EIPR1: variants seen among roughly 807,000 people sequenced by gnomAD.
EIPR1 encodes the protein EARP and GARP complex-interacting protein 1.
EIPR1 carries 25 observed loss-of-function variants against 48.1 expected under a neutral mutation model. The observed-to-expected ratio is 0.52, with a 90% CI of 0.38 to 0.73. The LOEUF (loss-of-function observed/expected upper bound fraction) is 0.73. Among genes scored for constraint, EIPR1 ranks in the 30% least tolerant of loss-of-function variants. The probability of loss-of-function intolerance (pLI) is 0.00; values close to 1 mark genes in which losing one functional copy is unlikely to be tolerated. For missense variants in EIPR1, 415 were observed against 506.2 expected (o/e 0.82, Z 1.73); for synonymous variants, 204 against 201.9 (o/e 1.01, Z -0.09).
chr2:3,270,624 C>A (rs983489914), intron 3 of EIPR1, among the ~76,000 whole-genome samples: 10 of 152,124 alleles, frequency 6.6e-5, no homozygotes, highest in African/African-American at 2.2e-4. Context: ...AAGTAAGTGT[C>A]CAATAACATT....
intron 2 of EIPR1, among the ~76,000 whole-genome samples, chr2:3,346,369 T>C (rs1397107665): frequency 2.6e-5 from 4 of 152,240 alleles, no homozygotes. Flanking sequence ...AAGCCAATGT[T>C]TGTCTGAAAA....
In EIPR1 at chr2:3,286,972, G is replaced by A. The variant is rs941884180; in HGVS notation, c.260-29517C>T. Among the ~76,000 whole-genome samples, 8 of 148,508 alleles carry A rather than the reference G, an allele frequency of 5.4e-5. No individual in the cohort carries two copies. In the East Asian group the frequency reaches 1.2e-3, roughly 22 times the overall value. Reference sequence around the variant, plus strand: ...CAGAGTGCCAGCCGGCAGAGGGGGCGGTGGGGAGCACACAGAGTGCCAGCC... The same window carrying A: ...CAGAGTGCCAGCCGGCAGAGGGGGCAGTGGGGAGCACACAGAGTGCCAGCC... On this transcript the variant is annotated intron_variant, in intron 3 of 8. Transcript: ENST00000382125. This position sits in a 1 kb window ranked among gnomAD's most constrained non-coding sequence, Gnocchi z 4.2.
chr2:3,295,256 CG>C (rs1399916352), intron 3 of EIPR1, among the ~76,000 whole-genome samples: 18 of 134,160 alleles, frequency 1.3e-4, no homozygotes, highest in East Asian at 2.5e-4. Flanking sequence ...CCATCCAGCC[CG>C]TCCTCTCTCC....
At chr2:3,236,141 C>T (rs1368369596) in intron 4 of EIPR1, among the ~76,000 whole-genome samples, 1 of 152,188 alleles carries the variant, frequency 6.6e-6, no homozygotes, top group Admixed American at 6.5e-5. Flanking sequence ...ACTGAACAAC[C>T]CTGTGAGGCA....
intron 1 of EIPR1, among the ~76,000 whole-genome samples, chr2:3,357,709 GTC>G (rs775514449): frequency 6.6e-6 from 1 of 152,222 alleles, no homozygotes; most frequent in Non-Finnish European, 1.5e-5. Flanking sequence ...CATCCCTGGA[GTC>G]TCTCTGAATC....
intron 1 of EIPR1, among the ~76,000 whole-genome samples, chr2:3,370,440 G>A (rs1376605277): frequency 2.0e-5 from 3 of 150,336 alleles, no homozygotes; most frequent in South Asian, 2.1e-4. Context: ...AAACTACTCC[G>A]AGCTACAGGA....
intron 6 of EIPR1, among the ~76,000 whole-genome samples, chr2:3,194,696 A>AGTG (rs1553277868): frequency 1.1e-4 from 17 of 150,628 alleles, no homozygotes; most frequent in African/African-American, 3.9e-4. Flanking sequence ...AGAGAGAGAA[A>AGTG]GGGGGGGGCA....
intron 3 of EIPR1, chr2:3,274,423 G>A (rs947678325): frequency 6.5e-7 from 1 of 1,549,940 alleles, no homozygotes; most frequent in South Asian, 1.2e-5. Flanking sequence ...CAAAATGCTA[G>A]AAAAAAAGTC....
intron 6 of EIPR1, among the ~76,000 whole-genome samples, chr2:3,196,131 G>A (rs1664798504): frequency 1.3e-5 from 2 of 152,192 alleles, no homozygotes; most frequent in South Asian, 4.1e-4. Context: ...GCACAAAGGA[G>A]GAAGTGGCAA....
At chr2:3,365,043 T>C (rs1489055103) in intron 1 of EIPR1, among the ~76,000 whole-genome samples, 4 of 152,172 alleles carry the variant, frequency 2.6e-5, no homozygotes. Flanking sequence ...TCAGATACAC[T>C]GATTTGATTT....
chr2:3,329,075 G>T (rs1327989997), intron 3 of EIPR1, among the ~76,000 whole-genome samples: 1 of 106,358 alleles, frequency 9.4e-6, no homozygotes, highest in African/African-American at 3.5e-5. Context: ...CAGGGCACCA[G>T]CCAGGCTCCC....
chr2:3,305,824 T>C (rs974940276), intron 3 of EIPR1, among the ~76,000 whole-genome samples: 1 of 152,262 alleles, frequency 6.6e-6, no homozygotes, highest in African/African-American at 2.4e-5. Flanking sequence ...GTCATATCCA[T>C]TTCTGATAAA....
chr2:3,335,959 C>A (rs1344405450), intron 3 of EIPR1, among the ~76,000 whole-genome samples: 2 of 152,202 alleles, frequency 1.3e-5, no homozygotes, highest in Non-Finnish European at 2.9e-5. Context: ...AATACCCCGA[C>A]TGTCAGGAGA....
chr2:3,365,175 A>C (rs1252715927), intron 1 of EIPR1, among the ~76,000 whole-genome samples: 1 of 151,776 alleles, frequency 6.6e-6, no homozygotes, highest in Non-Finnish European at 1.5e-5. Flanking sequence ...TGGTGGCTCA[A>C]GACTATAATT....
At chr2:3,269,986 C>A (rs1667655310) in intron 3 of EIPR1, among the ~76,000 whole-genome samples, 1 of 152,232 alleles carries the variant, frequency 6.6e-6, no homozygotes, top group African/African-American at 2.4e-5. Flanking sequence ...ACGGTAGGTG[C>A]TCCATGAAGA....
At chr2:3,202,626 C>A (rs1665087595) in intron 5 of EIPR1, among the ~76,000 whole-genome samples, 1 of 152,174 alleles carries the variant, frequency 6.6e-6, no homozygotes, top group Non-Finnish European at 1.5e-5. Flanking sequence ...CACCACAGGG[C>A]CATTCCAGAA....
chr2:3,219,696 A>G (rs1437969440), intron 4 of EIPR1, among the ~76,000 whole-genome samples: 2 of 132,764 alleles, frequency 1.5e-5, no homozygotes, highest in Non-Finnish European at 3.2e-5. Context: ...ACCCAACACA[A>G]CCCTGGTATA....
chr2:3,362,907 T>C (rs1467107253), intron 1 of EIPR1, among the ~76,000 whole-genome samples: 2 of 152,170 alleles, frequency 1.3e-5, no homozygotes, highest in East Asian at 3.9e-4. Flanking sequence ...GTGCCCAGGC[T>C]GGGGGCAGGT....
At chr2:3,305,150 C>A (rs1457360417) in intron 3 of EIPR1, among the ~76,000 whole-genome samples, 4 of 142,112 alleles carry the variant, frequency 2.8e-5, no homozygotes, top group African/African-American at 5.4e-5. Flanking sequence ...ATCAGTTCAG[C>A]CCTCCACTCC....
Sources: gnomAD v4.1 joint callset for allele counts (sites outside exome capture counted in the v4.1 genomes callset) on GRCh38, gnomAD v4.1.1 for gene constraint, Gnocchi (gnomAD v3.1) non-coding constraint, MANE v1.5 for transcripts, NCBI Gene and HGNC (gene_info 2026-07-23, HGNC 2026-07-21) for gene names.